CRACDL: variants seen among roughly 807,000 people sequenced by gnomAD.
CRACDL encodes CRACD like.
Under a neutral mutation model 70.6 loss-of-function variants are expected in CRACDL, and 26 were observed. The observed-to-expected ratio is 0.37, with a 90% CI of 0.27 to 0.51. CRACDL has a LOEUF of 0.51. Among genes scored for constraint, CRACDL ranks in the 20% least tolerant of loss-of-function variants. CRACDL has a pLI of 0.94. For missense variants in CRACDL, 1,283 were observed against 1,376.9 expected, an observed-to-expected ratio of 0.93 and a Z score of 1.08; for synonymous variants, 618 against 615.2, an observed-to-expected ratio of 1.00 and a Z score of -0.07.
intron 1 of CRACDL, among the ~76,000 whole-genome samples, chr2:98,892,445 C>T (rs1405463235): frequency 6.6e-6 from 1 of 151,932 alleles, no homozygotes; most frequent in Non-Finnish European, 1.5e-5. Context: ...AATCCCAGCA[C>T]TTTAGGAGAC....
intron 7 of CRACDL, among the ~76,000 whole-genome samples, chr2:98,808,255 C>T (rs1704402926): frequency 1.3e-5 from 2 of 152,158 alleles, no homozygotes; most frequent in South Asian, 2.1e-4. Flanking sequence ...TGAGAAGCGC[C>T]GCTGTCCTAG....
chr2:98,934,934 C>A (rs989648147), intron 1 of CRACDL, among the ~76,000 whole-genome samples: 2 of 152,082 alleles, frequency 1.3e-5, no homozygotes, highest in Admixed American at 1.3e-4. Flanking sequence ...CCCAGCTCAA[C>A]CTTCTCCACC....
At chr2:98,896,680 G>T (rs1188158690) in intron 1 of CRACDL, among the ~76,000 whole-genome samples, 2 of 152,130 alleles carry the variant, frequency 1.3e-5, no homozygotes, top group Non-Finnish European at 1.5e-5. Flanking sequence ...TGCGTCTGGA[G>T]GGAGGGCTGG....
chr2:98,814,474 A>AT (rs1704703037), intron 7 of CRACDL, among the ~76,000 whole-genome samples: 1 of 152,100 alleles, frequency 6.6e-6, no homozygotes, highest in African/African-American at 2.4e-5. Context: ...CTTTCCAGAT[A>AT]TTTTTCAGAT....
intron 9 of CRACDL, among the ~76,000 whole-genome samples, chr2:98,795,089 T>G (rs1703760303): frequency 8.1e-6 from 1 of 123,876 alleles, no homozygotes; most frequent in South Asian, 2.6e-4. Context: ...TTTTTTTTTT[T>G]TTTGAGACAG....
Position 98,822,658 on chromosome 2 carries a change from G to A in CRACDL, c.1615C>T (p.Arg539Cys). The A allele has an allele frequency of 7.8e-7, 1 of 1,287,772 alleles. No individual in the cohort carries two copies. The highest frequency in any genetic ancestry group is 9.8e-7 in the Non-Finnish European group (1 of 1,022,394). 79.8% of individuals were successfully genotyped at this position (1,287,772 alleles called of 1,614,324 possible). The change falls in exon 7 of 10, where the codon CGC (arginine) becomes TGC (cysteine). Residue 539 changes from arginine (R) to cysteine (C), a missense_variant. This residue lies in a region of CRACDL where 921 missense variants were observed against 881.9 expected (regional missense o/e 1.04). Transcript: ENST00000397899. This position sits in a 1 kb window ranked among gnomAD's most constrained non-coding sequence, Gnocchi z 4.9. ...GCCTCGGCTCGCTCGGCCTTGGGGC[G>A]CTCCGGGGCGGCGGCCTCTGCGTCG... ...SLDAEAAAPE[R>C]PKAERAEAPP...
chr2:98,822,003 C>T lies in CRACDL; in HGVS notation c.2270G>A (p.Ser757Asn), dbSNP rs1448763152. Residue 757 changes from serine (S) to asparagine (N), a missense_variant, in exon 7 of 10, where the codon AGC becomes AAC. By Grantham distance (46) the Ser-to-Asn change is conservative. Transcript: ENST00000397899. The surrounding 1 kb of genome is among the most constrained non-coding windows in gnomAD (Gnocchi z 4.9). The part of the protein sequence containing the change: ...KGKARPPEPL[S>N]SKPPLPRKPL... The stretch of plus-strand genomic sequence containing the variant: ...CTTCCGGGGCAGGGGCGGCTTGGAG[C>T]TGAGCGGCTCGGGGGGCCGGGCCTT... 3.3e-6 allele frequency: 5 copies of T among 1,536,658 alleles called. No homozygotes were observed. The South Asian group carries it at 6.0e-5, about 19-fold the overall frequency.
chr2:98,907,582 T>C (rs957628678), intron 1 of CRACDL, among the ~76,000 whole-genome samples: 1 of 152,224 alleles, frequency 6.6e-6, no homozygotes, highest in Non-Finnish European at 1.5e-5. Flanking sequence ...CGGTTTCTTG[T>C]GCTCAGCTCT....
In CRACDL at chr2:98,917,487, G is replaced by A. The variant is rs990770224; in HGVS notation, c.-11+18451C>T. Among the ~76,000 whole-genome samples, 5 of 152,102 alleles carry A rather than the reference G, an allele frequency of 3.3e-5. No homozygotes were observed. In the South Asian group the frequency reaches 1.0e-3, roughly 32 times the overall value. On this transcript the variant is annotated intron_variant, in intron 1 of 9. Coordinates refer to ENST00000397899, the MANE Select transcript of CRACDL (RefSeq NM_207362.3). Reference sequence around the variant, plus strand: ...ACTTTCACATGCATTGAGTACCATCGTTCACAAAAACAAACAAACAAAAGC... The same window carrying A: ...ACTTTCACATGCATTGAGTACCATCATTCACAAAAACAAACAAACAAAAGC...
chr2:98,896,740 T>TTTG (rs1172075122), intron 1 of CRACDL, among the ~76,000 whole-genome samples: 1 of 152,176 alleles, frequency 6.6e-6, no homozygotes, highest in Non-Finnish European at 1.5e-5. Context: ...CCTATCTTAC[T>TTTG]TTGTTGTTGT....
intron 5 of CRACDL, 26 bp downstream of exon 5, chr2:98,832,322 C>T (rs1448488696): frequency 5.0e-6 from 8 of 1,613,660 alleles, no homozygotes; most frequent in Non-Finnish European, 6.8e-6. Context: ...TGGATGAAGA[C>T]ATGCAGTGGT....
intron 1 of CRACDL, among the ~76,000 whole-genome samples, chr2:98,857,715 T>C (rs1394746254): frequency 6.6e-6 from 1 of 152,064 alleles, no homozygotes; most frequent in Admixed American, 6.6e-5. Flanking sequence ...ACCAACGACA[T>C]TAAATGCAAA....
At chr2:98,803,987 T>A (rs1167429491) in intron 7 of CRACDL, among the ~76,000 whole-genome samples, 1 of 152,164 alleles carries the variant, frequency 6.6e-6, no homozygotes, top group Non-Finnish European at 1.5e-5. Flanking sequence ...GCTTCCTAGA[T>A]AAACAGCTTG....
chr2:98,822,556 T>A lies in CRACDL; in HGVS notation c.1717A>T (p.Lys573Ter), dbSNP rs1257248520. ...GCTCGGCACGAGGACACCGAGAACT[T>A]CTTCGCGCCTCGCAGCTCGGCACCG... ...RGGAELRGAK[K>*]FSVSSCRARP... The change falls in exon 7 of 10, where the codon AAG (lysine) becomes TAG (stop). Residue 573 changes from lysine to a stop codon, truncating the protein, a stop_gained. Transcript: ENST00000397899. LOFTEE classifies it high-confidence loss of function. This position sits in a 1 kb window ranked among gnomAD's most constrained non-coding sequence, Gnocchi z 4.9. The A allele has an allele frequency of 4.1e-6, 6 of 1,465,834 alleles. No homozygotes were observed. The African/African-American group carries it at 4.4e-5, about 11-fold the overall frequency. The allele number at this position is 1,465,834 out of a possible 1,614,324, so 90.8% of individuals were successfully genotyped here. A position where few individuals can be genotyped will look rare whatever the true frequency, so the allele number is the denominator to read the frequency against.
intron 1 of CRACDL, among the ~76,000 whole-genome samples, chr2:98,908,977 C>G (rs535310643): frequency 1.3e-5 from 2 of 152,354 alleles, no homozygotes; most frequent in South Asian, 4.1e-4. Flanking sequence ...AAAAAGCCCA[C>G]TGCCCCAAAC....
In CRACDL at chr2:98,810,273, T is replaced by C. The variant is rs115496330; in HGVS notation, c.2416+11584A>G. Among the ~76,000 whole-genome samples, 855 of 152,134 alleles carry C rather than the reference T, an allele frequency of 5.6e-3. 7 individuals are homozygous for C. Among genetic ancestry groups the C allele is most frequent in the African/African-American group, 0.02 (827 of 41,492 alleles). On this transcript the variant is annotated intron_variant, in intron 7 of 9. Transcript: ENST00000397899. ...ATCAGGGGCGGGGCTGCAGGAGATG[T>C]TGGAGGGAGTGAAATGGCAGACAAA... is the stretch of plus-strand genomic sequence containing the variant.
At chr2:98,893,589 G>A (rs1454142897) in intron 1 of CRACDL, among the ~76,000 whole-genome samples, 1 of 152,098 alleles carries the variant, frequency 6.6e-6, no homozygotes, top group East Asian at 1.9e-4. Context: ...CCGCCTGAAG[G>A]AGCCCTATTT....
chr2:98,907,333 C>T (rs1300783596), intron 1 of CRACDL, among the ~76,000 whole-genome samples: 1 of 152,124 alleles, frequency 6.6e-6, no homozygotes, highest in African/African-American at 2.4e-5. Context: ...AACTCTTAGT[C>T]TCCCAGCACA....
At chr2:98,871,162 G>A (rs751685176) in intron 1 of CRACDL, among the ~76,000 whole-genome samples, 2 of 152,178 alleles carry the variant, frequency 1.3e-5, no homozygotes, top group African/African-American at 2.4e-5. Flanking sequence ...CAAGCCATAC[G>A]TTCCCTGAGA....
Sources: gnomAD v4.1 joint callset for allele counts (sites outside exome capture counted in the v4.1 genomes callset) on GRCh38, gnomAD v4.1.1 for gene constraint, gnomAD v4.1.1 regional missense constraint, Gnocchi (gnomAD v3.1) non-coding constraint, MANE v1.5 for transcripts, NCBI Gene and HGNC (gene_info 2026-07-23, HGNC 2026-07-21) for gene names.